Variants in SGCD observed in about 807,000 individuals in gnomAD.
SGCD encodes sarcoglycan delta, also known as delta-sarcoglycan.
A neutral mutation model predicts 36.6 loss-of-function variants in SGCD; 18 were observed. The observed-to-expected ratio is 0.49, with a 90% CI of 0.34 to 0.73. The LOEUF (loss-of-function observed/expected upper bound fraction) is 0.73. SGCD is among the 30% of genes least tolerant of loss of function. The pLI is 0.01. For missense variants in SGCD, 387 were observed against 346.7 expected, an observed-to-expected ratio of 1.12 and a Z score of -0.92; for synonymous variants, 133 against 130.6, an observed-to-expected ratio of 1.02 and a Z score of -0.12.
At chr5:156,557,598 T>C (rs1370307994) in intron 4 of SGCD, among the ~76,000 whole-genome samples, 1 of 152,138 alleles carries the variant, frequency 6.6e-6, no homozygotes, top group Non-Finnish European at 1.5e-5. Flanking sequence ...CAGAATTGAA[T>C]AGAATTGCCT....
intron 7 of SGCD, among the ~76,000 whole-genome samples, chr5:156,741,872 G>GTT (rs79808158): frequency 3.5e-5 from 5 of 144,778 alleles, no homozygotes; most frequent in South Asian, 2.2e-4. Context: ...ATGTTTTCAG[G>GTT]TTTTTTTTTT....
chr5:156,363,231 C>G (rs1377406939), intron 3 of SGCD, among the ~76,000 whole-genome samples: 1 of 152,164 alleles, frequency 6.6e-6, no homozygotes, highest in African/African-American at 2.4e-5. Context: ...CTACTGACCT[C>G]TAAATGTCAG....
intron 3 of SGCD, among the ~76,000 whole-genome samples, chr5:156,367,068 C>T (rs1350978342): frequency 6.6e-6 from 1 of 152,166 alleles, no homozygotes; most frequent in Non-Finnish European, 1.5e-5. Flanking sequence ...AAATGAGAGA[C>T]TTGTGCTATA....
chr5:156,646,789 A>G (rs532627161), intron 6 of SGCD, among the ~76,000 whole-genome samples: 69 of 152,286 alleles, frequency 4.5e-4, no homozygotes, highest in African/African-American at 1.7e-3. Context: ...GATAATTGCT[A>G]TCTTTATGGC....
At chr5:155,856,586 T>A in the SGCD span, among the ~76,000 whole-genome samples, 1 of 151,972 alleles carries the variant, frequency 6.6e-6, no homozygotes, top group Non-Finnish European at 1.5e-5. Context: ...GGGAAAAAAA[T>A]TTTAAATCAC....
chr5:156,683,594 A>G (rs1457611939), intron 7 of SGCD, among the ~76,000 whole-genome samples: 14 of 151,456 alleles, frequency 9.2e-5, no homozygotes, highest in Non-Finnish European at 1.5e-5. Context: ...GACAAAAACA[A>G]AAAACCTTCC....
chr5:156,656,349 C>T (rs1020931863), intron 7 of SGCD, among the ~76,000 whole-genome samples: 6 of 151,964 alleles, frequency 3.9e-5, no homozygotes, highest in African/African-American at 1.4e-4. Flanking sequence ...GAGATATGAA[C>T]CAAGCCAGAG....
chr5:155,751,591 G>A, the SGCD span, among the ~76,000 whole-genome samples: 4 of 151,706 alleles, frequency 2.6e-5, no homozygotes, highest in Non-Finnish European at 5.9e-5. Flanking sequence ...GCTTTGCCAT[G>A]TTGCCTAGGC....
At chr5:155,772,600 A>C in the SGCD span, among the ~76,000 whole-genome samples, 1 of 152,228 alleles carries the variant, frequency 6.6e-6, no homozygotes, top group African/African-American at 2.4e-5. Context: ...GATTTTTCCA[A>C]ATGAATGTTA....
intron 1 of SGCD, among the ~76,000 whole-genome samples, chr5:155,930,461 TAGAA>T (rs1354561441): frequency 6.6e-6 from 1 of 152,148 alleles, no homozygotes; most frequent in African/African-American, 2.4e-5. Flanking sequence ...GAGAGTGAAT[TAGAA>T]AGAAAAACAC....
At chr5:156,105,723 C>G (rs1225864502) in intron 1 of SGCD, among the ~76,000 whole-genome samples, 1 of 152,068 alleles carries the variant, frequency 6.6e-6, no homozygotes, top group Non-Finnish European at 1.5e-5. Flanking sequence ...TCTGGTTTCT[C>G]CGTCTTAAAT....
At chr5:155,754,069 A>G in the SGCD span, among the ~76,000 whole-genome samples, 2 of 152,152 alleles carry the variant, frequency 1.3e-5, no homozygotes, top group African/African-American at 4.8e-5. Context: ...GGGGAGTACC[A>G]GGAGAAAATA....
intron 3 of SGCD, among the ~76,000 whole-genome samples, chr5:156,357,078 C>T (rs978756073): frequency 1.3e-5 from 2 of 152,202 alleles, no homozygotes; most frequent in Admixed American, 1.3e-4. Flanking sequence ...AACTGATACA[C>T]AGATACTGCT....
At chr5:155,765,319 G>A in the SGCD span, among the ~76,000 whole-genome samples, 1 of 149,176 alleles carries the variant, frequency 6.7e-6, no homozygotes, top group Non-Finnish European at 1.5e-5. Flanking sequence ...AGGAAGGAAG[G>A]AAGAAGGAAG....
intron 3 of SGCD, among the ~76,000 whole-genome samples, chr5:156,494,502 A>G (rs1439783644): frequency 6.6e-6 from 1 of 152,100 alleles, no homozygotes; most frequent in East Asian, 1.9e-4. Context: ...CACAGGATCT[A>G]TTATAAGACA....
rs1757524237 is a variant in SGCD, at chr5:156,762,952, C to G, written c.*3562C>G. 6.6e-6 allele frequency: 1 copy of G among 152,238 alleles called. No homozygotes were observed. The highest frequency in any genetic ancestry group is 6.5e-5 in the Admixed American group (1 of 15,272). The allele number at this position is 152,238 out of a possible 1,614,324, so 9.4% of individuals were successfully genotyped here. The stretch of plus-strand genomic sequence containing the variant: ...GGCAAAGTCTTTCAGGAAGGAAGCC[C>G]TTCCTTATGTTACATGTGGAAAGCC... On this transcript the variant is annotated 3_prime_UTR_variant, in exon 9 of 9. Transcript: ENST00000337851.
chr5:156,174,750 T>C (rs529041693), intron 3 of SGCD, among the ~76,000 whole-genome samples: 1 of 152,326 alleles, frequency 6.6e-6, no homozygotes, highest in African/African-American at 2.4e-5. Flanking sequence ...ACTTCATAGT[T>C]GTCTATGTGA....
intron 4 of SGCD, among the ~76,000 whole-genome samples, chr5:156,585,224 A>G (rs1445132698): frequency 6.6e-6 from 1 of 152,194 alleles, no homozygotes; most frequent in African/African-American, 2.4e-5. Flanking sequence ...AAATTTCAAA[A>G]CAATAGAAAT....
intron 1 of SGCD, among the ~76,000 whole-genome samples, chr5:156,042,073 T>C (rs1759648539): frequency 6.6e-6 from 1 of 152,172 alleles, no homozygotes; most frequent in African/African-American, 2.4e-5. Context: ...GCAACTACTA[T>C]AATGATTCTA....
Sources: gnomAD v4.1 joint callset for allele counts (sites outside exome capture counted in the v4.1 genomes callset) on GRCh38, gnomAD v4.1.1 for gene constraint, MANE v1.5 for transcripts, NCBI Gene and HGNC (gene_info 2026-07-23, HGNC 2026-07-21) for gene names.